The following NFKBIL1 variants were observed in gnomAD, a reference collection of about 807,000 sequenced individuals.
NFKBIL1 encodes the protein NF-kappa-B inhibitor-like protein 1.
In NFKBIL1, 30 loss-of-function variants were observed where a neutral mutation model predicts 45.4. The observed-to-expected ratio is 0.66, with a 90% CI of 0.49 to 0.90. The LOEUF is 0.90. Among genes scored for constraint, NFKBIL1 ranks in the 40% least tolerant of loss-of-function variants. NFKBIL1 has a pLI of 0.00. For missense variants in NFKBIL1, 434 were observed against 513.4 expected, an observed-to-expected ratio of 0.85 and a Z score of 1.49; for synonymous variants, 179 against 197.3, an observed-to-expected ratio of 0.91 and a Z score of 0.78.
rs1331529507 is a variant in NFKBIL1 at position 31,558,563 on chromosome 6, G to A, written c.1098G>A (p.Val366=). ...AGCTGGGCCGTGTGATGGGAGCAGT[G>A]ACAGCCCTTTCTCAGGCCCTGAATC... ...TWELGRVMGA[V]TALSQALNRH... Residue 366 remains valine, a synonymous_variant, in exon 4 of 4, where the codon GTG becomes GTA. Transcript: ENST00000376148. This position sits in a 1 kb window ranked among gnomAD's most constrained non-coding sequence, Gnocchi z 7.2. The A allele has an allele frequency of 2.6e-6, 4 of 1,564,274 alleles. No individual in the cohort carries two copies. The highest frequency in any genetic ancestry group is 1.9e-5 in the Admixed American group (1 of 52,132).
chr6:31,551,887 C>T (rs967353345), intron 2 of NFKBIL1, among the ~76,000 whole-genome samples: 2 of 152,116 alleles, frequency 1.3e-5, no homozygotes, highest in African/African-American at 4.8e-5. Context: ...ACCTCCGCCT[C>T]CTGGGTTCAA....
At position 31,557,965 on chromosome 6, in the gene NFKBIL1, G is replaced by GC; in HGVS notation, c.557-54dup. On this transcript the variant is annotated intron_variant, in intron 3 of 3. Coordinates refer to ENST00000376148, the MANE Select transcript of NFKBIL1 (RefSeq NM_005007.4). This position sits in a 1 kb window ranked among gnomAD's most constrained non-coding sequence, Gnocchi z 5.4. ...CCTCTGTGCTTCCCTGCTTCTTGGG[G>GC]CCCATCACCTTCTCACAGCCTCTCT... The GC allele has an allele frequency of 6.7e-7, 1 of 1,495,444 alleles. No homozygotes were observed. Among genetic ancestry groups the GC allele is most frequent in the South Asian group, 1.3e-5 (1 of 76,436 alleles). The allele number at this position is 1,495,444 out of a possible 1,614,324, so 92.6% of individuals were successfully genotyped here.
At chr6:31,553,704 C>T (rs9267492) in intron 2 of NFKBIL1, among the ~76,000 whole-genome samples, 8,511 of 152,240 alleles carry the variant, frequency 0.056, 271 homozygotes, top group South Asian at 0.063. Context: ...CACTCTGTCA[C>T]CCAGGCTGGA....
At chr6:31,556,968 A>G (rs993584899) in intron 2 of NFKBIL1, among the ~76,000 whole-genome samples, 15 of 152,222 alleles carry the variant, frequency 9.9e-5, no homozygotes, top group African/African-American at 3.4e-4. Context: ...TATAGTGACA[A>G]TATTTTTAAG....
chr6:31,548,540 G>C, intron 2 of NFKBIL1, 101 bp downstream of exon 2: 1 of 1,309,644 alleles, frequency 7.6e-7, no homozygotes, highest in Non-Finnish European at 9.9e-7. Flanking sequence ...TGGTCATCAG[G>C]ACCTAGGGAA....
At chr6:31,547,860 T>A in intron 1 of NFKBIL1, 109 bp downstream of exon 1, 3 of 986,586 alleles carry the variant, frequency 3.0e-6, no homozygotes, top group Non-Finnish European at 4.5e-6. Flanking sequence ...TGGGTTTTTT[T>A]AAAGTTCTTT....
rs1249561430 is a variant in NFKBIL1 at position 31,557,247 on chromosome 6, G to A, written c.335-381G>A. Among the ~76,000 whole-genome samples the A allele has an allele frequency of 6.6e-6, 1 of 151,172 alleles. No homozygotes were observed. The highest frequency in any genetic ancestry group is 1.5e-5 in the Non-Finnish European group (1 of 67,964). On this transcript the variant is annotated intron_variant, in intron 2 of 3. Coordinates refer to ENST00000376148, the MANE Select transcript of NFKBIL1 (RefSeq NM_005007.4). The surrounding 1 kb of genome is among the most constrained non-coding windows in gnomAD (Gnocchi z 5.4). The stretch of plus-strand genomic sequence containing the variant: ...CTCAGCCTGCCGAGTAGCTGGGACT[G>A]CAGGCGCCCGCCACCAGGCCTGGCT...
intron 2 of NFKBIL1, among the ~76,000 whole-genome samples, chr6:31,554,463 A>G (rs911655861): frequency 3.3e-5 from 5 of 152,198 alleles, no homozygotes; most frequent in Non-Finnish European, 2.9e-5. Flanking sequence ...AATGTTTGCA[A>G]TATGTATAAC....
chr6:31,548,133 T>A, intron 1 of NFKBIL1, 30 bp from the exon 2 acceptor site: 1 of 1,613,026 alleles, frequency 6.2e-7, no homozygotes, highest in Non-Finnish European at 8.5e-7. Flanking sequence ...AAGGCTGAAG[T>A]CCTGACTGCT....
In NFKBIL1 at chr6:31,557,795, A is replaced by G. The variant is rs1769831754; in HGVS notation, c.502A>G (p.Lys168Glu). The G allele has an allele frequency of 1.2e-6, 2 of 1,611,524 alleles. No homozygotes were observed. Among genetic ancestry groups the G allele is most frequent in the South Asian group, 2.2e-5 (2 of 90,740 alleles). The change falls in exon 3 of 4, where the codon AAG becomes GAG. Residue 168 changes from lysine to glutamate, a missense_variant. This residue lies in a region of NFKBIL1 where 231 missense variants were observed against 264.1 expected (regional missense o/e 0.87). Coordinates refer to ENST00000376148, the MANE Select transcript of NFKBIL1 (RefSeq NM_005007.4). This position sits in a 1 kb window ranked among gnomAD's most constrained non-coding sequence, Gnocchi z 5.4. Reference protein sequence around the residue: ...DASKEREWRQKLQGELEDEWQ... With the variant: ...DASKEREWRQELQGELEDEWQ... ...CTCCAAGGAGCGGGAATGGAGACAG[A>G]AGCTCCAGGGTGAGCTGGAGGACGA...
chr6:31,547,581 A>T, upstream of NFKBIL1: 1 of 620,090 alleles, frequency 1.6e-6, no homozygotes, highest in Non-Finnish European at 2.7e-6. Flanking sequence ...TGCTTGCGCC[A>T]TTTCCTCCAG....
chr6:31,551,335 T>G (rs1415614476), intron 2 of NFKBIL1, among the ~76,000 whole-genome samples: 1 of 152,214 alleles, frequency 6.6e-6, no homozygotes, highest in Non-Finnish European at 1.5e-5. Flanking sequence ...TCCATTGTAT[T>G]GAATTTTAAG....
At chr6:31,553,057 T>C (rs1335852524) in intron 2 of NFKBIL1, among the ~76,000 whole-genome samples, 5 of 119,498 alleles carry the variant, frequency 4.2e-5, no homozygotes, top group East Asian at 2.7e-4. Flanking sequence ...TTTTTTTTTT[T>C]CCGAGACAGA....
At chr6:31,549,392 C>T (rs1769302375) in intron 2 of NFKBIL1, among the ~76,000 whole-genome samples, 1 of 151,478 alleles carries the variant, frequency 6.6e-6, no homozygotes, top group African/African-American at 2.4e-5. Context: ...GCTAGGATTA[C>T]AGGCGCATGC....
At chr6:31,547,852 G>A (rs1769168760) in intron 1 of NFKBIL1, 101 bp downstream of exon 1, 2 of 1,059,004 alleles carry the variant, frequency 1.9e-6, no homozygotes, top group Non-Finnish European at 2.7e-6. Flanking sequence ...GGCCCTGTTG[G>A]GTTTTTTTAA....
Position 31,557,953 on chromosome 6 carries a change from C to T in NFKBIL1, c.557-69C>T, listed in dbSNP as rs1769844840. The T allele has an allele frequency of 6.7e-7, 1 of 1,501,154 alleles. No individual in the cohort carries two copies. The highest frequency in any genetic ancestry group is 9.0e-7 in the Non-Finnish European group (1 of 1,113,600). 93.0% of individuals were successfully genotyped at this position (1,501,154 alleles called of 1,614,324 possible). ...CCTCTGCCCCCTCCTCTGTGCTTCCCTGCTTCTTGGGGCCCATCACCTTCT... is the reference window on the plus strand; with the variant it reads ...CCTCTGCCCCCTCCTCTGTGCTTCCTTGCTTCTTGGGGCCCATCACCTTCT... On this transcript the variant is annotated intron_variant, in intron 3 of 3. Coordinates refer to ENST00000376148, the MANE Select transcript of NFKBIL1 (RefSeq NM_005007.4). This position sits in a 1 kb window ranked among gnomAD's most constrained non-coding sequence, Gnocchi z 5.4.
At chr6:31,555,904 C>T (rs1042897298) in intron 2 of NFKBIL1, among the ~76,000 whole-genome samples, 44 of 151,378 alleles carry the variant, frequency 2.9e-4, no homozygotes, top group Admixed American at 4.6e-4. Context: ...CATTGTCCCC[C>T]CCCCCCAGCC....
At chr6:31,553,574 A>C (rs868361346) in intron 2 of NFKBIL1, among the ~76,000 whole-genome samples, 1 of 152,216 alleles carries the variant, frequency 6.6e-6, no homozygotes, top group South Asian at 2.1e-4. Context: ...AATAAATTAT[A>C]CTACAAACAT....
chr6:31,551,251 C>G (rs1485312723), intron 2 of NFKBIL1, among the ~76,000 whole-genome samples: 1 of 152,022 alleles, frequency 6.6e-6, no homozygotes. Flanking sequence ...TTCTGCATCT[C>G]CTGAGTTCAA....
Sources: gnomAD v4.1 joint callset for allele counts (sites outside exome capture counted in the v4.1 genomes callset) on GRCh38, gnomAD v4.1.1 for gene constraint, gnomAD v4.1.1 regional missense constraint, Gnocchi (gnomAD v3.1) non-coding constraint, MANE v1.5 for transcripts, NCBI Gene and HGNC (gene_info 2026-07-23, HGNC 2026-07-21) for gene names.